The following ARHGAP26 variants were observed in gnomAD, a reference collection of about 807,000 sequenced individuals.
ARHGAP26 encodes rho GTPase-activating protein 26.
Under a neutral mutation model 104.8 loss-of-function variants are expected in ARHGAP26, and 38 were observed. The ratio of observed to expected loss-of-function variants is 0.36; its 90% confidence interval spans 0.28 to 0.48. The LOEUF is 0.48. Among genes scored for constraint, ARHGAP26 ranks in the 20% least tolerant of loss-of-function variants. The probability of loss-of-function intolerance (pLI) is 0.99; values close to 1 mark genes in which losing one functional copy is unlikely to be tolerated. For synonymous variants in ARHGAP26, 341 were observed against 340.0 expected (o/e 1.00, Z -0.03); for missense variants, 704 against 947.9 (o/e 0.74, Z 3.38).
chr5:142,963,168 A>ATATATATATATATATG (rs1562164149), intron 11 of ARHGAP26, among the ~76,000 whole-genome samples: 5 of 60,414 alleles, frequency 8.3e-5, no homozygotes, highest in African/African-American at 4.6e-4. Context: ...TCCATGGTAT[A>ATATATATATATATATG]TATGTATATA....
intron 22 of ARHGAP26, among the ~76,000 whole-genome samples, chr5:143,220,223 A>T (rs1243949623): frequency 6.6e-6 from 1 of 151,956 alleles, no homozygotes; most frequent in African/African-American, 2.4e-5. Flanking sequence ...CTACGTTTTT[A>T]TTTTGGAGAA....
At chr5:142,813,155 A>G (rs863805) in intron 1 of ARHGAP26, among the ~76,000 whole-genome samples, 2 of 151,990 alleles carry the variant, frequency 1.3e-5, no homozygotes, top group Non-Finnish European at 2.9e-5. Context: ...GTTAACCAGG[A>G]TGGTCTTGAT....
At chr5:142,787,436 G>A (rs1758897900) in intron 1 of ARHGAP26, among the ~76,000 whole-genome samples, 1 of 152,160 alleles carries the variant, frequency 6.6e-6, no homozygotes, top group Admixed American at 6.5e-5. Flanking sequence ...CAGGAAACTG[G>A]GTATGAGATC....
rs1029925635 is a variant in ARHGAP26, at chr5:143,222,767, A to G, written c.*321A>G. ...TTTGTTTCAACGGTCCAAACGCCCA[A>G]CCTTCAGAAAGAGGAAGTCAGATAG... On this transcript the variant is annotated 3_prime_UTR_variant, in exon 23 of 23. Transcript: ENST00000645722. The G allele has an allele frequency of 3.1e-5, 8 of 257,522 alleles. No homozygotes were observed. Among genetic ancestry groups the G allele is most frequent in the Admixed American group, 2.7e-4 (5 of 18,574 alleles). The allele number at this position is 257,522 out of a possible 1,614,324, so 16.0% of individuals were successfully genotyped here.
intron 12 of ARHGAP26, among the ~76,000 whole-genome samples, chr5:143,035,192 G>A (rs1037286540): frequency 2.0e-5 from 3 of 152,140 alleles, no homozygotes; most frequent in African/African-American, 7.2e-5. Flanking sequence ...TTAGGAATTA[G>A]CATTCCTTTT....
At chr5:142,811,947 T>C (rs1764153204) in intron 1 of ARHGAP26, among the ~76,000 whole-genome samples, 1 of 152,194 alleles carries the variant, frequency 6.6e-6, no homozygotes. Flanking sequence ...GCTTGCAGCC[T>C]CCTCACCTAA....
intron 1 of ARHGAP26, among the ~76,000 whole-genome samples, chr5:142,850,152 T>C (rs531944438): frequency 1.3e-5 from 2 of 152,356 alleles, no homozygotes; most frequent in Admixed American, 6.5e-5. Context: ...GCTCTGCCTA[T>C]GGCTTGTCCC....
intron 1 of ARHGAP26, among the ~76,000 whole-genome samples, chr5:142,837,217 A>G (rs933645871): frequency 1.3e-5 from 2 of 152,196 alleles, no homozygotes; most frequent in African/African-American, 4.8e-5. Flanking sequence ...TGGCAAGAGA[A>G]AACAAAAGGG....
chr5:143,026,747 A>T (rs999730732), intron 12 of ARHGAP26, among the ~76,000 whole-genome samples: 2 of 122,348 alleles, frequency 1.6e-5, no homozygotes, highest in African/African-American at 6.3e-5. Context: ...GAGCTGATGT[A>T]TGTTTTTAAA....
chr5:142,936,823 GAA>G (rs202061609), intron 11 of ARHGAP26, among the ~76,000 whole-genome samples: 1 of 126,960 alleles, frequency 7.9e-6, no homozygotes, highest in African/African-American at 2.7e-5. Flanking sequence ...ACATCCATAG[GAA>G]AAAAAAAAAA....
chr5:142,778,306 T>C (rs920668808), intron 1 of ARHGAP26, among the ~76,000 whole-genome samples: 1 of 152,222 alleles, frequency 6.6e-6, no homozygotes, highest in Non-Finnish European at 1.5e-5. Flanking sequence ...CAAAATATTA[T>C]GACATGGATA....
At chr5:143,087,343 A>G (rs1305113626) in intron 17 of ARHGAP26, among the ~76,000 whole-genome samples, 2 of 152,236 alleles carry the variant, frequency 1.3e-5, no homozygotes, top group African/African-American at 4.8e-5. Context: ...TTCAGCAACT[A>G]TAAAAGGATG....
chr5:143,222,569 T>A lies in ARHGAP26; in HGVS notation c.*123T>A. 1.5e-6 allele frequency: 1 copy of A among 668,446 alleles called. No individual in the cohort carries two copies. Among genetic ancestry groups the A allele is most frequent in the Non-Finnish European group, 2.3e-6 (1 of 426,314 alleles). 41.4% of individuals were successfully genotyped at this position (668,446 alleles called of 1,614,324 possible). A position where few individuals can be genotyped will look rare whatever the true frequency, so the allele number is the denominator to read the frequency against. On this transcript the variant is annotated 3_prime_UTR_variant, in exon 23 of 23. Coordinates refer to ENST00000645722, the MANE Select transcript of ARHGAP26 (RefSeq NM_001135608.3). The stretch of plus-strand genomic sequence containing the variant: ...GCGTGACTGACTCTGTTGCTACCTG[T>A]CAACATGAATGTTTCTGTGAGCTCT...
chr5:142,964,106 ACTGT>A (rs1382041727), intron 11 of ARHGAP26, among the ~76,000 whole-genome samples: 2 of 152,208 alleles, frequency 1.3e-5, no homozygotes, highest in Non-Finnish European at 2.9e-5. Flanking sequence ...GAAATGCTAG[ACTGT>A]CTGTTTCTAT....
intron 11 of ARHGAP26, among the ~76,000 whole-genome samples, chr5:142,950,053 C>T (rs1031287903): frequency 2.0e-5 from 3 of 152,208 alleles, no homozygotes; most frequent in Non-Finnish European, 4.4e-5. Context: ...TGGAAGGTCT[C>T]AGCTGAGTGC....
intron 15 of ARHGAP26, among the ~76,000 whole-genome samples, chr5:143,055,750 A>G (rs1384757302): frequency 6.6e-6 from 1 of 152,228 alleles, no homozygotes; most frequent in African/African-American, 2.4e-5. Context: ...CACTGACTGA[A>G]AAGGAAATCT....
chr5:142,816,251 A>G (rs1200136317), intron 1 of ARHGAP26, among the ~76,000 whole-genome samples: 4 of 152,202 alleles, frequency 2.6e-5, no homozygotes, highest in Admixed American at 6.5e-5. Flanking sequence ...TTTGTTTACC[A>G]TCATATACTG....
At chr5:143,188,802 C>T (rs1224491616) in intron 20 of ARHGAP26, among the ~76,000 whole-genome samples, 4 of 152,218 alleles carry the variant, frequency 2.6e-5, no homozygotes, top group Non-Finnish European at 5.9e-5. Context: ...AGAACTGTTA[C>T]ATCTCAGGTA....
intron 11 of ARHGAP26, among the ~76,000 whole-genome samples, chr5:143,012,370 GGCC>G (rs1482081481): frequency 6.7e-6 from 1 of 150,230 alleles, no homozygotes; most frequent in African/African-American, 2.4e-5. Context: ...GCAGCTGAAG[GGCC>G]AAGTGGGACC....
Sources: gnomAD v4.1 joint callset for allele counts (sites outside exome capture counted in the v4.1 genomes callset) on GRCh38, gnomAD v4.1.1 for gene constraint, MANE v1.5 for transcripts, NCBI Gene and HGNC (gene_info 2026-07-23, HGNC 2026-07-21) for gene names.